HDAC9: variants seen among roughly 807,000 people sequenced by gnomAD.
The protein encoded by HDAC9 is histone deacetylase 9, also known as MEF-2 interacting transcription repressor (MITR) protein.
HDAC9 carries 41 observed loss-of-function variants against 139.4 expected under a neutral mutation model. The observed-to-expected ratio is 0.29, with a 90% CI of 0.23 to 0.38. The LOEUF (loss-of-function observed/expected upper bound fraction) is 0.38. HDAC9 is among the 10% of genes least tolerant of loss of function. The pLI, the probability that HDAC9 is intolerant of heterozygous loss-of-function variation, is 1.00. For synonymous variants in HDAC9, 517 were observed against 476.2 expected, an observed-to-expected ratio of 1.09 and a Z score of -1.12; for missense variants, 1,147 against 1,297.0, an observed-to-expected ratio of 0.88 and a Z score of 1.78.
At chr7:18,828,394 C>A (rs752908282) in intron 17 of HDAC9, among the ~76,000 whole-genome samples, 1 of 152,190 alleles carries the variant, frequency 6.6e-6, no homozygotes, top group East Asian at 1.9e-4. Flanking sequence ...ATTTATAGTT[C>A]CCTGCCTTCA....
At chr7:18,239,970 T>TC (rs58819478) in intron 2 of HDAC9, among the ~76,000 whole-genome samples, 18 of 150,722 alleles carry the variant, frequency 1.2e-4, no homozygotes, top group Admixed American at 4.0e-4. Flanking sequence ...TTTTTTTTTT[T>TC]CTGGATAATT....
At chr7:18,446,864 TAAGTGTA>T (rs1362364476) in intron 1 of HDAC9, among the ~76,000 whole-genome samples, 1 of 152,210 alleles carries the variant, frequency 6.6e-6, no homozygotes, top group Non-Finnish European at 1.5e-5. Flanking sequence ...ATCCACAATG[TAAGTGTA>T]ACATGATTAA....
chr7:18,948,989 T>C, intron 23 of HDAC9: 1 of 394,130 alleles, frequency 2.5e-6, no homozygotes, highest in Non-Finnish European at 4.8e-6. Context: ...GAAATTGGTT[T>C]CCAATTTGGG....
At chr7:18,251,013 C>A (rs1399656677) in intron 2 of HDAC9, among the ~76,000 whole-genome samples, 1 of 151,942 alleles carries the variant, frequency 6.6e-6, no homozygotes, top group Admixed American at 6.6e-5. Flanking sequence ...TGGATATATA[C>A]CCAAAGGAAT....
chr7:18,382,917 A>G (rs1186328538), intron 1 of HDAC9, among the ~76,000 whole-genome samples: 1 of 152,234 alleles, frequency 6.6e-6, no homozygotes, highest in African/African-American at 2.4e-5. Context: ...AAATGTGCAA[A>G]TACAAATATA....
At chr7:18,746,236 T>A (rs1471866472) in intron 13 of HDAC9, among the ~76,000 whole-genome samples, 1 of 152,228 alleles carries the variant, frequency 6.6e-6, no homozygotes, top group Non-Finnish European at 1.5e-5. Context: ...AACTATCACT[T>A]TTTATTTTAT....
chr7:18,128,734 G>A (rs1219705458), intron 1 of HDAC9, among the ~76,000 whole-genome samples: 1 of 151,350 alleles, frequency 6.6e-6, no homozygotes, highest in South Asian at 2.1e-4. Flanking sequence ...GTAGGGGTTA[G>A]GGAAGATAGC....
At chr7:18,766,170 G>C (rs1789815488) in intron 15 of HDAC9, among the ~76,000 whole-genome samples, 1 of 152,128 alleles carries the variant, frequency 6.6e-6, no homozygotes, top group Non-Finnish European at 1.5e-5. Context: ...ATTTGTACCT[G>C]GTTCTACCAC....
chr7:18,497,341 G>A (rs1342722455), intron 2 of HDAC9, among the ~76,000 whole-genome samples: 1 of 152,094 alleles, frequency 6.6e-6, no homozygotes, highest in African/African-American at 2.4e-5. Flanking sequence ...TGTTTACTTT[G>A]TAGAGCTAGG....
intron 2 of HDAC9, among the ~76,000 whole-genome samples, chr7:18,237,047 C>T (rs1163575690): frequency 6.6e-6 from 1 of 152,154 alleles, no homozygotes; most frequent in African/African-American, 2.4e-5. Context: ...TGTTCGTATC[C>T]CACTTGACTT....
At chr7:18,254,433 G>A (rs895769807) in intron 2 of HDAC9, among the ~76,000 whole-genome samples, 8 of 152,170 alleles carry the variant, frequency 5.3e-5, no homozygotes, top group Non-Finnish European at 8.8e-5. Context: ...ATATATGAGG[G>A]TGTTTGTGAA....
chr7:18,935,164 G>C (rs999914111), intron 22 of HDAC9, among the ~76,000 whole-genome samples: 1 of 152,132 alleles, frequency 6.6e-6, no homozygotes, highest in Non-Finnish European at 1.5e-5. Context: ...AAAGGCACAT[G>C]GGGGTTGAAA....
chr7:18,682,248 G>A (rs1781939465), intron 12 of HDAC9, among the ~76,000 whole-genome samples: 1 of 151,968 alleles, frequency 6.6e-6, no homozygotes. Flanking sequence ...CAATAACAAA[G>A]AGAACATTGT....
At chr7:18,829,367 C>T in intron 18 of HDAC9, 94 bp from the exon 19 acceptor site, 2 of 1,126,442 alleles carry the variant, frequency 1.8e-6, no homozygotes, top group South Asian at 1.3e-5. Flanking sequence ...CTTCAGAGAT[C>T]ATATAGCATT....
At chr7:18,965,930 C>T (rs370510757) in intron 24 of HDAC9, among the ~76,000 whole-genome samples, 5 of 152,162 alleles carry the variant, frequency 3.3e-5, no homozygotes, top group African/African-American at 1.2e-4. Flanking sequence ...GCTACAATGA[C>T]GGTTCTTTCT....
rs989428553 is a variant in HDAC9, at chr7:18,297,804, T to C, written c.-42+7289T>C. 7.2e-5 allele frequency among the ~76,000 whole-genome samples: 11 copies of C among 152,178 alleles called. 1 individual carries two copies. Among genetic ancestry groups the C allele is most frequent in the African/African-American group, 1.9e-4 (8 of 41,444 alleles). ...CTAGGGCTGCCATTCTCCTTTTTGT[T>C]AGTTTCTTTGGTCCTACATTTCTTC... On this transcript the variant is annotated intron_variant, in intron 1 of 3. Transcript: ENST00000413509.
intron 2 of HDAC9, among the ~76,000 whole-genome samples, chr7:18,284,182 A>G (rs1238583150): frequency 1.3e-5 from 2 of 152,138 alleles, no homozygotes; most frequent in African/African-American, 2.4e-5. Flanking sequence ...TATTTTGTGT[A>G]TTACTTGATT....
intron 14 of HDAC9, among the ~76,000 whole-genome samples, chr7:18,752,754 A>G (rs1176562948): frequency 1.3e-5 from 2 of 152,162 alleles, no homozygotes; most frequent in Non-Finnish European, 2.9e-5. Flanking sequence ...CATACAAGCC[A>G]GGTCAGTGCA....
At chr7:18,146,676 G>T (rs1297493462) in intron 1 of HDAC9, among the ~76,000 whole-genome samples, 2 of 152,040 alleles carry the variant, frequency 1.3e-5, no homozygotes, top group African/African-American at 2.4e-5. Context: ...CATTATTTTC[G>T]ATTCTTCTTG....
Sources: gnomAD v4.1 joint callset for allele counts (sites outside exome capture counted in the v4.1 genomes callset) on GRCh38, gnomAD v4.1.1 for gene constraint, MANE v1.5 for transcripts, NCBI Gene and HGNC (gene_info 2026-07-23, HGNC 2026-07-21) for gene names.